Variants in GIGYF2 observed in about 807,000 individuals in gnomAD.
GIGYF2 encodes GRB10-interacting GYF protein 2.
Under a neutral mutation model 208.1 loss-of-function variants are expected in GIGYF2, and 25 were observed. The observed-to-expected ratio is 0.12, with a 90% CI of 0.09 to 0.17. The LOEUF is 0.17. Among genes scored for constraint, GIGYF2 ranks in the 10% least tolerant of loss-of-function variants. The pLI, the probability that GIGYF2 is intolerant of heterozygous loss-of-function variation, is 1.00. For missense variants in GIGYF2, 1,302 were observed against 1,579.4 expected, an observed-to-expected ratio of 0.82 and a Z score of 2.98; for synonymous variants, 534 against 543.8, an observed-to-expected ratio of 0.98 and a Z score of 0.25.
At chr2:232,829,329 T>A (rs1272473179) in intron 21 of GIGYF2, among the ~76,000 whole-genome samples, 3 of 152,240 alleles carry the variant, frequency 2.0e-5, no homozygotes, top group Admixed American at 2.0e-4. Context: ...TAGTAGTCTT[T>A]GGTGTTTGCA....
intron 14 of GIGYF2, among the ~76,000 whole-genome samples, chr2:232,804,318 CAT>C (rs1700489689): frequency 1.3e-5 from 2 of 148,466 alleles, no homozygotes; most frequent in African/African-American, 4.9e-5. Context: ...TGATTTCTTT[CAT>C]CAGTGTTGCG....
chr2:232,827,251 T>C (rs1183683181), intron 21 of GIGYF2, among the ~76,000 whole-genome samples: 2 of 151,716 alleles, frequency 1.3e-5, no homozygotes, highest in Non-Finnish European at 2.9e-5. Context: ...TAGACTACTT[T>C]AGAGTATAAA....
intron 5 of GIGYF2, among the ~76,000 whole-genome samples, chr2:232,755,853 C>T (rs900866585): frequency 1.3e-5 from 2 of 152,170 alleles, no homozygotes; most frequent in Non-Finnish European, 2.9e-5. Context: ...GCTTACAGGA[C>T]CCTTTCAAAC....
intron 6 of GIGYF2, among the ~76,000 whole-genome samples, chr2:232,757,108 TA>T (rs759504128): frequency 2.0e-5 from 3 of 152,224 alleles, no homozygotes; most frequent in African/African-American, 4.8e-5. Context: ...CTGCATATTG[TA>T]CCACCAAGAT....
At chr2:232,844,785 A>T (rs1034803232) in intron 25 of GIGYF2, among the ~76,000 whole-genome samples, 1 of 152,192 alleles carries the variant, frequency 6.6e-6, no homozygotes, top group Middle Eastern at 3.2e-3. Flanking sequence ...CCTGCTGAGC[A>T]CTTATTCTAT....
Position 232,723,826 on chromosome 2 carries a change from G to A in GIGYF2, c.-43-11329G>A, listed in dbSNP as rs546053748. On this transcript the variant is annotated intron_variant, in intron 2 of 28. Coordinates refer to ENST00000373563, the MANE Select transcript of GIGYF2 (RefSeq NM_001103146.3). ...CGGCTCACCGCAACCTCCGCCTCCC[G>A]GGTTCAAGTGATTCTCCTGCCTCAG... 7.4e-3 allele frequency among the ~76,000 whole-genome samples: 1,037 copies of A among 139,626 alleles called. 6 individuals carry two copies. The highest frequency in any genetic ancestry group is 0.026 in the African/African-American group (995 of 37,728). 91.6% of individuals were successfully genotyped at this position (139,626 alleles called of 152,430 possible).
chr2:232,811,962 G>T (rs964947611), intron 17 of GIGYF2, among the ~76,000 whole-genome samples: 2 of 152,172 alleles, frequency 1.3e-5, no homozygotes, highest in African/African-American at 4.8e-5. Flanking sequence ...TGGGCAAACT[G>T]GGACTCTGAG....
At chr2:232,826,538 G>T (rs1333242433) in intron 21 of GIGYF2, among the ~76,000 whole-genome samples, 1 of 152,038 alleles carries the variant, frequency 6.6e-6, no homozygotes, top group South Asian at 2.1e-4. Flanking sequence ...ATAGACAAAT[G>T]GTATCTAATT....
intron 12 of GIGYF2, among the ~76,000 whole-genome samples, chr2:232,794,236 C>T (rs1164638464): frequency 1.3e-5 from 2 of 152,134 alleles, no homozygotes; most frequent in Non-Finnish European, 2.9e-5. Context: ...AGAAGAACAT[C>T]CTGCACTGTA....
At chr2:232,751,098 C>CT (rs892215017) in intron 5 of GIGYF2, among the ~76,000 whole-genome samples, 1 of 152,296 alleles carries the variant, frequency 6.6e-6, no homozygotes, top group African/African-American at 2.4e-5. Context: ...AAGTGCTGGG[C>CT]TTACAGGCAT....
intron 12 of GIGYF2, among the ~76,000 whole-genome samples, chr2:232,792,451 G>T (rs2106365560): frequency 6.6e-6 from 1 of 152,188 alleles, no homozygotes; most frequent in Middle Eastern, 3.4e-3. Flanking sequence ...AAAGAGATGG[G>T]ATTAACTGGG....
At chr2:232,783,682 GTGTTTTTT>G (rs1326813189) in intron 8 of GIGYF2, among the ~76,000 whole-genome samples, 1 of 136,676 alleles carries the variant, frequency 7.3e-6, no homozygotes, top group African/African-American at 2.6e-5. Context: ...TCAGATCTAG[GTGTTTTTT>G]TGTTTGTTTG....
intron 8 of GIGYF2, among the ~76,000 whole-genome samples, chr2:232,786,873 G>T (rs980530116): frequency 1.3e-5 from 2 of 152,182 alleles, no homozygotes; most frequent in Non-Finnish European, 2.9e-5. Context: ...GTACGACTCT[G>T]AGGGTCTTGT....
chr2:232,847,247 T>C, intron 26 of GIGYF2, 101 bp from the exon 27 acceptor site: 1 of 1,136,736 alleles, frequency 8.8e-7, no homozygotes, highest in Non-Finnish European at 1.3e-6. Flanking sequence ...TCATTAATGT[T>C]TGATTAGGTA....
intron 10 of GIGYF2, 31 bp downstream of exon 10, chr2:232,790,946 G>C: frequency 6.2e-7 from 1 of 1,611,472 alleles, no homozygotes; most frequent in South Asian, 1.1e-5. Context: ...GTCATGACCA[G>C]CATTAACCTT....
At chr2:232,793,284 G>A (rs1201122599) in intron 12 of GIGYF2, among the ~76,000 whole-genome samples, 1 of 152,180 alleles carries the variant, frequency 6.6e-6, no homozygotes, top group Non-Finnish European at 1.5e-5. Flanking sequence ...CACTGTGACC[G>A]CTTAGACTCC....
At chr2:232,795,820 T>G (rs1700205040) in intron 13 of GIGYF2, among the ~76,000 whole-genome samples, 1 of 152,152 alleles carries the variant, frequency 6.6e-6, no homozygotes, top group Non-Finnish European at 1.5e-5. Context: ...CTTAGTTGAT[T>G]TGATTAGTAA....
chr2:232,700,711 ATTG>A (rs1427626822), intron 1 of GIGYF2: 2 of 152,194 alleles, frequency 1.3e-5, no homozygotes, highest in Non-Finnish European at 2.9e-5. Flanking sequence ...TTGTTTGGTC[ATTG>A]TTGTAACAGT....
intron 16 of GIGYF2, chr2:232,810,993 C>T: frequency 2.2e-6 from 1 of 445,018 alleles, no homozygotes; most frequent in South Asian, 2.3e-5. Context: ...CCACTTTGCA[C>T]TGAATTGTGA....
Sources: gnomAD v4.1 joint callset for allele counts (sites outside exome capture counted in the v4.1 genomes callset) on GRCh38, gnomAD v4.1.1 for gene constraint, MANE v1.5 for transcripts, NCBI Gene and HGNC (gene_info 2026-07-23, HGNC 2026-07-21) for gene names.